The following TRPA1 variants were observed in gnomAD, a reference collection of about 807,000 sequenced individuals.
TRPA1 encodes the protein transient receptor potential cation channel subfamily A member 1, also known as ankyrin-like with transmembrane domains 1.
TRPA1 carries 129 observed loss-of-function variants against 131.3 expected under a neutral mutation model. The ratio of observed to expected loss-of-function variants is 0.98; its 90% CI spans 0.85 to 1.14. TRPA1 has a LOEUF of 1.14. Ranked by LOEUF, TRPA1 falls within the 50% of genes most tolerant of loss-of-function variation. TRPA1 has a pLI of 0.00. For missense variants in TRPA1, 1,304 were observed against 1,354.2 expected, an observed-to-expected ratio of 0.96 and a Z score of 0.58; for synonymous variants, 441 against 451.7, an observed-to-expected ratio of 0.98 and a Z score of 0.30.
chr8:72,022,699 C>A lies in TRPA1; in HGVS notation c.*207G>T, dbSNP rs1811437037. 4.8e-6 allele frequency: 3 copies of A among 625,388 alleles called. No homozygotes were observed. The Admixed American group carries it at 7.5e-5, about 16-fold the overall frequency. The allele number at this position is 625,388 out of a possible 1,614,324, so 38.7% of individuals were successfully genotyped here. Reference sequence around the variant, plus strand: ...AAAGTCCAGTCCAATTTGAACATATCTGCAAAGATATCCCCAATACATAGT... The same window carrying A: ...AAAGTCCAGTCCAATTTGAACATATATGCAAAGATATCCCCAATACATAGT... On this transcript the variant is annotated 3_prime_UTR_variant, in exon 27 of 27. Transcript: ENST00000262209.
chr8:72,064,973 T>C (rs188239294), intron 4 of TRPA1, among the ~76,000 whole-genome samples: 6 of 152,340 alleles, frequency 3.9e-5, no homozygotes, highest in Admixed American at 2.0e-4. Context: ...GGCTCTGTTT[T>C]TGAGACCCAA....
chr8:72,054,297 G>T (rs1449702758), intron 12 of TRPA1: 1 of 224,698 alleles, frequency 4.5e-6, no homozygotes, highest in Admixed American at 5.3e-5. Flanking sequence ...ATAGTTATTG[G>T]TAATACTACT....
intron 13 of TRPA1, chr8:72,053,277 C>G: frequency 5.4e-6 from 1 of 183,940 alleles, no homozygotes; most frequent in Non-Finnish European, 1.1e-5. Flanking sequence ...CACTTAAAGA[C>G]TTTTTTTTTT....
chr8:72,066,521 C>A (rs1423488740), intron 3 of TRPA1, among the ~76,000 whole-genome samples: 1 of 152,152 alleles, frequency 6.6e-6, no homozygotes, highest in African/African-American at 2.4e-5. Flanking sequence ...GTTAACAGAA[C>A]GTATCCCTTG....
rs373967678 is a variant in TRPA1 at position 72,069,642 on chromosome 8, G to A, written c.269-444C>T. On this transcript the variant is annotated intron_variant, in intron 2 of 26. Transcript: ENST00000262209. The stretch of plus-strand genomic sequence containing the variant: ...AAGGAGGAAGATGTTGAGGTCCAGA[G>A]AGGTTAAAAGTCTTGCCAACATCAC... Among the ~76,000 whole-genome samples the A allele has an allele frequency of 3.9e-5, 6 of 152,180 alleles. No individual in the cohort carries two copies. In the East Asian group the frequency reaches 1.2e-3, roughly 29 times the overall value.
intron 23 of TRPA1, among the ~76,000 whole-genome samples, chr8:72,030,250 C>A (rs1811764098): frequency 6.6e-6 from 1 of 152,154 alleles, no homozygotes; most frequent in African/African-American, 2.4e-5. Flanking sequence ...TCCCTCATAG[C>A]TCTTTTATAA....
chr8:72,053,918 C>A lies in TRPA1; in HGVS notation c.1530-51G>T, dbSNP rs548914818. ...GTGCATACACTTAACAGATGAAATG[C>A]GGGATGGGATGCCACTTGGCTTATT... On this transcript the variant is annotated intron_variant, in intron 12 of 26. Coordinates refer to ENST00000262209, the MANE Select transcript of TRPA1 (RefSeq NM_007332.3). 4.3e-6 allele frequency: 6 copies of A among 1,388,794 alleles called. No individual in the cohort carries two copies. The African/African-American group carries it at 7.1e-5, about 16-fold the overall frequency. 86.0% of individuals were successfully genotyped at this position (1,388,794 alleles called of 1,614,324 possible).
chr8:72,026,014 A>T lies in TRPA1; in HGVS notation c.2997T>A (p.Asp999Glu). The part of the protein sequence containing the change: ...KLPLWFLRKV[D>E]QKSTIVYPNK... ...TGGGATACACGATGGTGGATTTCTG[A>T]TCCACTTTGCGTAGAAACCAAAGTG... Residue 999 changes from aspartate to glutamate, a missense_variant, in exon 25 of 27, where the codon GAT (aspartate) becomes GAA (glutamate). Physicochemically the swap from Asp to Glu is conservative, Grantham distance 45. Transcript: ENST00000262209. 6.2e-7 allele frequency: 1 copy of T among 1,614,016 alleles called. No homozygotes were observed. The highest frequency in any genetic ancestry group is 1.3e-5 in the African/African-American group (1 of 75,036).
At chr8:72,077,667 T>C (rs1427866596), upstream of TRPA1, among the ~76,000 whole-genome samples, 2 of 152,216 alleles carry the variant, frequency 1.3e-5, no homozygotes, top group Non-Finnish European at 2.9e-5. Context: ...TGACTGTTTC[T>C]TCTTAATCAT....
intron 3 of TRPA1, 82 bp from the exon 4 acceptor site, chr8:72,065,640 C>T: frequency 1.1e-6 from 1 of 940,656 alleles, no homozygotes; most frequent in Non-Finnish European, 1.7e-6. Flanking sequence ...TTTAAGTTTT[C>T]AAATACCAGG....
In TRPA1 at chr8:72,052,783, A is replaced by C; in HGVS notation, c.1645-18T>G. On this transcript the variant is annotated intron_variant, in intron 13 of 26. Coordinates refer to ENST00000262209, the MANE Select transcript of TRPA1 (RefSeq NM_007332.3). ...GCAGTGTTCTTTTGAAGAAAAACAGACACAGAAAACGTGGTGACAGTGTCT... is the reference window on the plus strand; with the variant it reads ...GCAGTGTTCTTTTGAAGAAAAACAGCCACAGAAAACGTGGTGACAGTGTCT... 9 of 1,611,854 alleles carry C rather than the reference A, an allele frequency of 5.6e-6. No homozygotes were observed. The highest frequency in any genetic ancestry group is 7.6e-6 in the Non-Finnish European group (9 of 1,179,682).
At chr8:72,042,359 C>T (rs148857037) in intron 17 of TRPA1, among the ~76,000 whole-genome samples, 82 of 151,956 alleles carry the variant, frequency 5.4e-4, no homozygotes, top group African/African-American at 1.9e-3. Flanking sequence ...AAAACCACAA[C>T]GAGATACCAC....
At chr8:72,040,864 C>A (rs1812229092) in intron 17 of TRPA1, among the ~76,000 whole-genome samples, 1 of 152,088 alleles carries the variant, frequency 6.6e-6, no homozygotes, top group African/African-American at 2.4e-5. Context: ...ATAGTAAGTC[C>A]TTTCCTGTCA....
chr8:72,030,541 C>G (rs564815610), intron 23 of TRPA1, among the ~76,000 whole-genome samples: 2 of 152,300 alleles, frequency 1.3e-5, no homozygotes, highest in South Asian at 4.1e-4. Flanking sequence ...AGGTTCAGTA[C>G]TCTTAAGTGT....
At chr8:72,088,706 ACACACC>A in the TRPA1 span, among the ~76,000 whole-genome samples, 2 of 152,182 alleles carry the variant, frequency 1.3e-5, no homozygotes, top group Non-Finnish European at 2.9e-5. Context: ...GAGATAAATT[ACACACC>A]CACACCCACA....
chr8:72,035,417 T>C (rs553551746), intron 21 of TRPA1, among the ~76,000 whole-genome samples: 31 of 152,244 alleles, frequency 2.0e-4, no homozygotes, highest in African/African-American at 7.2e-4. Flanking sequence ...ATGCAGAAGA[T>C]ATATGGTGAA....
Position 72,036,327 on chromosome 8 carries a change from A to G in TRPA1, c.2516T>C (p.Val839Ala), listed in dbSNP as rs1000089152. 6.2e-6 allele frequency: 10 copies of G among 1,614,052 alleles called. No individual in the cohort carries two copies. The African/African-American group carries it at 1.3e-4, about 22-fold the overall frequency. Reference sequence around the variant, plus strand: ...TAAGAAATTCATCCAATAGAAGTAAACAGCAATTGCTCCACATTGCCACTG... The same window carrying G: ...TAAGAAATTCATCCAATAGAAGTAAGCAGCAATTGCTCCACATTGCCACTG... Reference protein sequence around the residue: ...HLQWQCGAIAVYFYWMNFLLY... With the variant: ...HLQWQCGAIAAYFYWMNFLLY... The change falls in exon 21 of 27, where the codon GTT (valine) becomes GCT (alanine). Residue 839 changes from valine to alanine, a missense_variant. Physicochemically the swap from Val to Ala is moderately conservative, Grantham distance 64. Transcript: ENST00000262209.
chr8:72,028,376 G>GC (rs1306769259), intron 24 of TRPA1, among the ~76,000 whole-genome samples: 1 of 152,202 alleles, frequency 6.6e-6, no homozygotes, highest in African/African-American at 2.4e-5. Flanking sequence ...AGGCAAAGGG[G>GC]CCTTGGGCCA....
the TRPA1 span, among the ~76,000 whole-genome samples, chr8:72,088,737 C>G: frequency 6.6e-6 from 1 of 152,120 alleles, no homozygotes; most frequent in Admixed American, 6.6e-5. Context: ...ACTTTGACAT[C>G]TATGAAATGC....
Sources: gnomAD v4.1 joint callset for allele counts (sites outside exome capture counted in the v4.1 genomes callset) on GRCh38, gnomAD v4.1.1 for gene constraint, MANE v1.5 for transcripts, NCBI Gene and HGNC (gene_info 2026-07-23, HGNC 2026-07-21) for gene names.